GSK3B: variants seen among roughly 807,000 people sequenced by gnomAD.
GSK3B encodes the protein glycogen synthase kinase-3 beta.
A neutral mutation model predicts 56.4 loss-of-function variants in GSK3B; 15 were observed. The ratio of observed to expected loss-of-function variants is 0.27; its 90% CI spans 0.18 to 0.41. GSK3B has a LOEUF of 0.41. GSK3B is among the 10% of genes least tolerant of loss of function. GSK3B has a pLI of 1.00. For synonymous variants in GSK3B, 181 were observed against 188.9 expected, an observed-to-expected ratio of 0.96 and a Z score of 0.34; for missense variants, 300 against 513.4, an observed-to-expected ratio of 0.58 and a Z score of 4.02.
chr3:120,082,687 C>T, intron 1 of GSK3B, among the ~76,000 whole-genome samples: 1 of 151,862 alleles, frequency 6.6e-6, no homozygotes, highest in Non-Finnish European at 1.5e-5. Context: ...AGCCACCGCG[C>T]CCGGCCCCCA....
chr3:120,071,161 A>G lies in GSK3B; in HGVS notation c.88+22186T>C, dbSNP rs191464398. ...ATTACAGCACAACATCGTTTAGAGT[A>G]ACTACTGTGGGAGACACTGGCCAAA... On this transcript the variant is annotated intron_variant, in intron 1 of 10. Transcript: ENST00000264235. Among the ~76,000 whole-genome samples the G allele has an allele frequency of 3.9e-5, 6 of 152,328 alleles. No individual in the cohort carries two copies. In the East Asian group the frequency reaches 9.6e-4, roughly 24 times the overall value.
intron 2 of GSK3B, among the ~76,000 whole-genome samples, chr3:119,954,225 A>AATAGAATAGT (rs1332078336): frequency 6.7e-5 from 1 of 15,008 alleles, no homozygotes; most frequent in African/African-American, 2.1e-4. Context: ...GTGGAAGGAG[A>AATAGAATAGT]ATAGAATAGA....
intron 3 of GSK3B, among the ~76,000 whole-genome samples, chr3:119,933,310 T>C (rs2056964908): frequency 6.6e-6 from 1 of 152,176 alleles, no homozygotes; most frequent in South Asian, 2.1e-4. Flanking sequence ...ACAACAATTC[T>C]TGTGAAAGTC....
At chr3:119,961,685 A>G (rs1289356189) in intron 2 of GSK3B, among the ~76,000 whole-genome samples, 2 of 151,546 alleles carry the variant, frequency 1.3e-5, no homozygotes, top group African/African-American at 4.8e-5. Flanking sequence ...CCCCCCTTTC[A>G]TTACAAAAAC....
At chr3:119,860,068 A>C (rs2056080583) in intron 9 of GSK3B, among the ~76,000 whole-genome samples, 1 of 152,218 alleles carries the variant, frequency 6.6e-6, no homozygotes, top group South Asian at 2.1e-4. Flanking sequence ...AAATAACTTC[A>C]ATTGGTAAAA....
Position 120,019,726 on chromosome 3 carries a change from C to T in GSK3B, c.89-17487G>A, listed in dbSNP as rs147825945. Among the ~76,000 whole-genome samples, 10 of 152,302 alleles carry T rather than the reference C, an allele frequency of 6.6e-5. No individual in the cohort carries two copies. In the East Asian group the frequency reaches 1.9e-3, roughly 29 times the overall value. On this transcript the variant is annotated intron_variant, in intron 1 of 10. Transcript: ENST00000264235. ...AAGTACCTGAAAGGACACAGAAAGG[C>T]CTGCCAGACTCCCGCAAGTCTCTAC...
At chr3:120,009,654 C>T (rs1268871204) in intron 1 of GSK3B, among the ~76,000 whole-genome samples, 6 of 151,886 alleles carry the variant, frequency 4.0e-5, no homozygotes, top group Non-Finnish European at 7.4e-5. Flanking sequence ...AACACATGGA[C>T]ACAGGGAGGT....
intron 1 of GSK3B, among the ~76,000 whole-genome samples, chr3:120,087,613 G>T (rs972559153): frequency 2.0e-5 from 3 of 152,052 alleles, no homozygotes; most frequent in Non-Finnish European, 4.4e-5. Flanking sequence ...ATGTTATTAA[G>T]GGAACACGTT....
intron 2 of GSK3B, among the ~76,000 whole-genome samples, chr3:119,979,990 GA>G (rs377069257): frequency 2.8e-3 from 413 of 147,392 alleles, no homozygotes; most frequent in African/African-American, 9.0e-3. Flanking sequence ...TTAGCAGAGA[GA>G]AAAAAAAAAC....
chr3:119,991,187 T>G (rs1160341560), intron 2 of GSK3B, among the ~76,000 whole-genome samples: 5 of 152,160 alleles, frequency 3.3e-5, no homozygotes, highest in Non-Finnish European at 5.9e-5. Context: ...AGGTTTGGGA[T>G]TGACTGATGT....
At chr3:119,889,753 A>T (rs1443774098) in intron 7 of GSK3B, among the ~76,000 whole-genome samples, 1 of 152,148 alleles carries the variant, frequency 6.6e-6, no homozygotes, top group Non-Finnish European at 1.5e-5. Context: ...CAAAGGCAGA[A>T]ATTGTCAAAC....
chr3:120,045,328 C>T (rs949528135), intron 1 of GSK3B, among the ~76,000 whole-genome samples: 2 of 152,176 alleles, frequency 1.3e-5, no homozygotes. Context: ...GTCCTCCATG[C>T]CTCCTTGCCT....
Position 120,031,649 on chromosome 3 carries a change from T to TA in GSK3B, c.89-29411dup, listed in dbSNP as rs1391083842. Among the ~76,000 whole-genome samples the TA allele has an allele frequency of 7.2e-5, 11 of 152,304 alleles. No homozygotes were observed. The East Asian group carries it at 2.1e-3, about 29-fold the overall frequency. ...AGGCATGTGACAAACCAATTTTACT[T>TA]ACTCCCACCAATCCCACAATGCAGT... On this transcript the variant is annotated intron_variant, in intron 1 of 10. Transcript: ENST00000264235.
At position 119,970,538 on chromosome 3, in the gene GSK3B, A is replaced by G. The variant is rs988339630; in HGVS notation, c.283-23187T>C. Among the ~76,000 whole-genome samples the G allele has an allele frequency of 4.6e-5, 7 of 151,366 alleles. No homozygotes were observed. The South Asian group carries it at 8.4e-4, about 18-fold the overall frequency. ...TGTAATCCCAACACTTTGAGAGGCCAAGGCCGGTGGATCACAAGGTCAGGA... is the reference window on the plus strand; with the variant it reads ...TGTAATCCCAACACTTTGAGAGGCCGAGGCCGGTGGATCACAAGGTCAGGA... On this transcript the variant is annotated intron_variant, in intron 2 of 10. Transcript: ENST00000264235.
rs1021956114 is a variant in GSK3B, at chr3:119,822,431, TA to T, written c.*4356del. 2 of 220,254 alleles carry T rather than the reference TA, an allele frequency of 9.1e-6. No individual in the cohort carries two copies. Among genetic ancestry groups the T allele is most frequent in the African/African-American group, 4.5e-5 (2 of 44,556 alleles). 13.6% of individuals were successfully genotyped at this position (220,254 alleles called of 1,614,324 possible). On this transcript the variant is annotated 3_prime_UTR_variant, in exon 11 of 11. Transcript: ENST00000264235. ...GTATCTGCCTGTAGACAGATATAGT[TA>T]AGGAAAAAAAAACTTAAAAATTAAC...
intron 7 of GSK3B, among the ~76,000 whole-genome samples, chr3:119,888,190 C>T (rs1002896565): frequency 6.6e-6 from 1 of 152,048 alleles, no homozygotes; most frequent in Non-Finnish European, 1.5e-5. Flanking sequence ...TGATATTTCC[C>T]CCTCATTAAA....
chr3:120,019,859 T>C (rs1339229773), intron 1 of GSK3B, among the ~76,000 whole-genome samples: 1 of 152,232 alleles, frequency 6.6e-6, no homozygotes, highest in African/African-American at 2.4e-5. Flanking sequence ...CTTGCCATAT[T>C]ATTTTCTATT....
chr3:119,895,522 A>G (rs1366529410), intron 7 of GSK3B, among the ~76,000 whole-genome samples: 1 of 152,132 alleles, frequency 6.6e-6, no homozygotes, highest in African/African-American at 2.4e-5. Flanking sequence ...TGGTTGTACT[A>G]ATTTACATTC....
At chr3:119,879,305 C>T (rs140338282) in intron 7 of GSK3B, among the ~76,000 whole-genome samples, 3,933 of 152,156 alleles carry the variant, frequency 0.026, 174 homozygotes, top group African/African-American at 0.089. Context: ...CTCAGCCTCC[C>T]GAGTAGCTGG....
Sources: gnomAD v4.1 joint callset for allele counts (sites outside exome capture counted in the v4.1 genomes callset) on GRCh38, gnomAD v4.1.1 for gene constraint, MANE v1.5 for transcripts, NCBI Gene and HGNC (gene_info 2026-07-23, HGNC 2026-07-21) for gene names.